The following PPP6R1 variants were observed in gnomAD, a reference collection of about 807,000 sequenced individuals.
PPP6R1 encodes protein phosphatase 6 regulatory subunit 1.
Under a neutral mutation model 104.6 loss-of-function variants are expected in PPP6R1, and 39 were observed. The ratio of observed to expected loss-of-function variants is 0.37; its 90% CI spans 0.29 to 0.49. The LOEUF is 0.49. Among genes scored for constraint, PPP6R1 ranks in the 20% least tolerant of loss-of-function variants. The probability of loss-of-function intolerance (pLI) is 0.98; values close to 1 mark genes in which losing one functional copy is unlikely to be tolerated. For missense variants in PPP6R1, 1,181 were observed against 1,155.8 expected (o/e 1.02, Z -0.32); for synonymous variants, 549 against 479.0 (o/e 1.15, Z -1.91).
At position 55,240,259 on chromosome 19, in the gene PPP6R1, G is replaced by C. The variant is rs1432343430; in HGVS notation, c.1338C>G (p.Ser446=). The C allele has an allele frequency of 6.3e-7, 1 of 1,594,756 alleles. No individual in the cohort carries two copies. The highest frequency in any genetic ancestry group is 1.1e-5 in the South Asian group (1 of 87,732). Residue 446 remains serine (S), a synonymous_variant, in exon 11 of 24, where the codon TCC becomes TCG. Transcript: ENST00000412770. The part of the protein sequence containing the change: ...QCRLVERILT[S]WEENDRVQCA... ...ACTGTACACGGTCGTTCTCCTCCCA[G>C]GACGTCAGGATCCGCTCCACCAGGC... is the stretch of plus-strand genomic sequence containing the variant.
downstream of PPP6R1, chr19:55,228,287 A>G (rs2087303279): frequency 6.2e-7 from 1 of 1,613,434 alleles, no homozygotes; most frequent in South Asian, 1.1e-5. Flanking sequence ...CCGCTTGGGG[A>G]CATGACCCAC....
intron 10 of PPP6R1, among the ~76,000 whole-genome samples, chr19:55,240,529 A>T (rs2087443957): frequency 6.7e-6 from 1 of 150,364 alleles, no homozygotes; most frequent in African/African-American, 2.5e-5. Flanking sequence ...ACACACACAC[A>T]CACACACACA....
At chr19:55,251,977 TG>T (rs2043864727) in intron 1 of PPP6R1, among the ~76,000 whole-genome samples, 1 of 150,796 alleles carries the variant, frequency 6.6e-6, no homozygotes, top group Admixed American at 6.6e-5. Context: ...CCAAGCAGGC[TG>T]ATAGGCTGCC....
In PPP6R1 at chr19:55,237,339, G is replaced by A. The variant is rs146070678; in HGVS notation, c.1752-369C>T. On this transcript the variant is annotated intron_variant, in intron 15 of 23. Coordinates refer to ENST00000412770, the MANE Select transcript of PPP6R1 (RefSeq NM_014931.4). ...GTCCCCATCCTTGGGGCATCTGTAG[G>A]AGGCTGACACTCACACCAGCCAGGC... 2.5e-3 allele frequency among the ~76,000 whole-genome samples: 377 copies of A among 152,236 alleles called. 3 individuals are homozygous for A. Among genetic ancestry groups the A allele is most frequent in the African/African-American group, 8.7e-3 (361 of 41,536 alleles).
At chr19:55,247,227 G>A (rs1402290884) in intron 1 of PPP6R1, 118 bp from the exon 2 acceptor site, 1 of 1,075,400 alleles carries the variant, frequency 9.3e-7, no homozygotes, top group Non-Finnish European at 1.4e-6. Context: ...CCAAGTCCCA[G>A]CCCTCTGCCT....
chr19:55,252,393 C>T (rs1183553846), intron 1 of PPP6R1, among the ~76,000 whole-genome samples: 1 of 146,908 alleles, frequency 6.8e-6, no homozygotes, highest in Non-Finnish European at 1.5e-5. Context: ...CCATTCTTGG[C>T]TGATTTTTTT....
chr19:55,245,815 G>T lies in PPP6R1; in HGVS notation c.228-137C>A. The T allele has an allele frequency of 1.4e-6, 1 of 735,472 alleles. No homozygotes were observed. The highest frequency in any genetic ancestry group is 2.2e-6 in the Non-Finnish European group (1 of 451,468). 45.6% of individuals were successfully genotyped at this position (735,472 alleles called of 1,614,324 possible). A position where few individuals can be genotyped will look rare whatever the true frequency, so the allele number is the denominator to read the frequency against. ...GACCCCTGTCCAGGAAGGGGAAAGGGCAGAGGACAGGGTGACGCAGAAACA... is the reference window on the plus strand; with the variant it reads ...GACCCCTGTCCAGGAAGGGGAAAGGTCAGAGGACAGGGTGACGCAGAAACA... On this transcript the variant is annotated intron_variant, in intron 2 of 23. Transcript: ENST00000412770. The surrounding 1 kb of genome is among the most constrained non-coding windows in gnomAD (Gnocchi z 6.4).
At chr19:55,247,375 G>A (rs2122686901) in intron 1 of PPP6R1, 1 of 500,294 alleles carries the variant, frequency 2.0e-6, no homozygotes, top group East Asian at 3.6e-5. Flanking sequence ...CAGCCTCCCG[G>A]CCGCCTCGCC....
At chr19:55,234,200 G>C (rs2087374412) in intron 17 of PPP6R1, among the ~76,000 whole-genome samples, 1 of 152,104 alleles carries the variant, frequency 6.6e-6, no homozygotes, top group South Asian at 2.1e-4. Flanking sequence ...ATCCACCTTG[G>C]CCTCCCAAAG....
At chr19:55,236,615 G>A in intron 17 of PPP6R1, 28 bp downstream of exon 17, 1 of 1,498,788 alleles carries the variant, frequency 6.7e-7, no homozygotes. Flanking sequence ...GTGGAAGCTT[G>A]GAGAAGGGAA....
chr19:55,248,534 C>T (rs549202494), intron 1 of PPP6R1, among the ~76,000 whole-genome samples: 3 of 152,370 alleles, frequency 2.0e-5, no homozygotes, highest in South Asian at 2.1e-4. Context: ...GTGCCTCTCC[C>T]GCAGGCCCTC....
intron 17 of PPP6R1, among the ~76,000 whole-genome samples, chr19:55,235,337 C>G (rs1392354630): frequency 6.6e-6 from 1 of 152,102 alleles, no homozygotes; most frequent in Admixed American, 6.6e-5. Flanking sequence ...TCTTACCCCC[C>G]TTTCTAGGAA....
chr19:55,244,280 G>A (rs2087486340), intron 5 of PPP6R1, among the ~76,000 whole-genome samples: 1 of 152,188 alleles, frequency 6.6e-6, no homozygotes, highest in Non-Finnish European at 1.5e-5. Context: ...GCTCCCAGTG[G>A]CCTCGGATAT....
At chr19:55,256,033 G>A (rs1010778188) in intron 1 of PPP6R1, among the ~76,000 whole-genome samples, 1 of 152,198 alleles carries the variant, frequency 6.6e-6, no homozygotes, top group East Asian at 1.9e-4. Context: ...GAAAACTGAA[G>A]CCAGAGAAAG....
chr19:55,248,492 G>A (rs1471947534), intron 1 of PPP6R1, among the ~76,000 whole-genome samples: 1 of 152,252 alleles, frequency 6.6e-6, no homozygotes, highest in Non-Finnish European at 1.5e-5. Context: ...AGGATGCTGA[G>A]AACAGAGCAG....
rs758368812 is a variant in PPP6R1, at chr19:55,240,893, C to T, written c.1296+52G>A. The T allele has an allele frequency of 7.6e-6, 12 of 1,577,560 alleles. No homozygotes were observed. In the Admixed American group the frequency reaches 9.1e-5, roughly 12 times the overall value. On this transcript the variant is annotated intron_variant, in intron 10 of 23. Coordinates refer to ENST00000412770, the MANE Select transcript of PPP6R1 (RefSeq NM_014931.4). ...GAGGGGTAGGCCTCTGGAGAGGGTG[C>T]GCCCACAGGGGATGGGCCCAGAAGG...
rs2087466962 is a variant in PPP6R1 at position 55,242,405 on chromosome 19, C to G, written c.702G>C (p.Glu234Asp). ...EQMIQVQDSP[E>D]PDQLLATLEK... Reference sequence around the variant, plus strand: ...CCAGGGTGGCCAGCAGTTGGTCAGGCTCTGGGCTGTCCTGGACTTGGATCA... The same window carrying G: ...CCAGGGTGGCCAGCAGTTGGTCAGGGTCTGGGCTGTCCTGGACTTGGATCA... The change falls in exon 6 of 24, where the codon GAG (glutamate) becomes GAC (aspartate). Residue 234 changes from glutamate (E) to aspartate (D), a missense_variant. Transcript: ENST00000412770. The G allele has an allele frequency of 6.2e-7, 1 of 1,613,970 alleles. No individual in the cohort carries two copies. Among genetic ancestry groups the G allele is most frequent in the Non-Finnish European group, 8.5e-7 (1 of 1,179,836 alleles).
At chr19:55,258,084 GGA>G (rs1489315660) in intron 1 of PPP6R1, among the ~76,000 whole-genome samples, 2 of 152,246 alleles carry the variant, frequency 1.3e-5, no homozygotes, top group Non-Finnish European at 2.9e-5. Context: ...GGGTAACCAG[GGA>G]GAAAGACTCC....
chr19:55,234,159 C>T (rs1191743032), intron 17 of PPP6R1, among the ~76,000 whole-genome samples: 1 of 152,164 alleles, frequency 6.6e-6, no homozygotes, highest in African/African-American at 2.4e-5. Flanking sequence ...GTTGGCCAGG[C>T]TGGTCTCAAA....
Sources: gnomAD v4.1 joint callset for allele counts (sites outside exome capture counted in the v4.1 genomes callset) on GRCh38, gnomAD v4.1.1 for gene constraint, Gnocchi (gnomAD v3.1) non-coding constraint, MANE v1.5 for transcripts, NCBI Gene and HGNC (gene_info 2026-07-23, HGNC 2026-07-21) for gene names.